Variants in SLC1A2 observed in about 807,000 individuals in gnomAD.
SLC1A2 encodes solute carrier family 1 member 2.
SLC1A2 carries 15 observed loss-of-function variants against 48.8 expected under a neutral mutation model. That is an observed-to-expected ratio of 0.31 (90% confidence interval 0.21 to 0.47). The LOEUF (loss-of-function observed/expected upper bound fraction) is 0.47, where lower values mean the gene tolerates loss of function less well. Ranked by LOEUF, SLC1A2 falls within the 20% of genes least tolerant of loss-of-function variation. The pLI is 0.99. For synonymous variants in SLC1A2, 279 were observed against 272.6 expected (o/e 1.02, Z -0.23); for missense variants, 502 against 730.5 (o/e 0.69, Z 3.61).
chr11:35,352,893 C>T (rs1853314767), intron 1 of SLC1A2, among the ~76,000 whole-genome samples: 2 of 152,178 alleles, frequency 1.3e-5, no homozygotes, highest in Admixed American at 1.3e-4. Context: ...GGTGGGGAAG[C>T]ATGTGCCTGG....
chr11:35,362,611 G>T lies in SLC1A2; in HGVS notation c.18-45095C>A, dbSNP rs375799415. Among the ~76,000 whole-genome samples, 43 of 152,306 alleles carry T rather than the reference G, an allele frequency of 2.8e-4. 1 individual carries two copies. The highest frequency in any genetic ancestry group is 7.2e-4 in the African/African-American group (30 of 41,574). ...CCATCAATACATGTGAAAGTGCCTG[G>T]AATGTGGCATGCAACATATGGTAAC... On this transcript the variant is annotated intron_variant, in intron 1 of 10. Transcript: ENST00000278379.
chr11:35,345,150 G>T (rs1852982502), intron 1 of SLC1A2, among the ~76,000 whole-genome samples: 1 of 152,218 alleles, frequency 6.6e-6, no homozygotes, highest in Non-Finnish European at 1.5e-5. Context: ...TGCTTGGCCT[G>T]TTTCATGCCA....
At position 35,255,523 on chromosome 11, in the gene SLC1A2, G is replaced by A. The variant is rs900356796; in HGVS notation, c.*5371C>T. 7 of 152,240 alleles carry A rather than the reference G, an allele frequency of 4.6e-5. No individual in the cohort carries two copies. Among genetic ancestry groups the A allele is most frequent in the East Asian group, 1.9e-4 (1 of 5,198 alleles). 9.4% of individuals were successfully genotyped at this position (152,240 alleles called of 1,614,324 possible). On this transcript the variant is annotated 3_prime_UTR_variant, in exon 11 of 11. Coordinates refer to ENST00000278379, the MANE Select transcript of SLC1A2 (RefSeq NM_004171.4). ...GAAAAGATATTTACAAACAGTTGCCGTGATTGTGCAAGTGTTGTACCAAAT... is the reference window on the plus strand; with the variant it reads ...GAAAAGATATTTACAAACAGTTGCCATGATTGTGCAAGTGTTGTACCAAAT...
chr11:35,321,696 A>G (rs534696210), intron 1 of SLC1A2, among the ~76,000 whole-genome samples: 1 of 152,284 alleles, frequency 6.6e-6, no homozygotes, highest in African/African-American at 2.4e-5. Flanking sequence ...ATACAGATGG[A>G]AAGCCTAAGG....
In SLC1A2 at chr11:35,419,161, G is replaced by C. The variant is rs1308849078; in HGVS notation, c.-195C>G. ...AGGAGGCTCCTGCGGGCGCTAATCC[G>C]CGTCCCGGCTCTCCACGGCGCGCGA... On this transcript the variant is annotated 5_prime_UTR_variant, in exon 1 of 11. Transcript: ENST00000278379. This position sits in a 1 kb window ranked among gnomAD's most constrained non-coding sequence, Gnocchi z 5.4. The C allele has an allele frequency of 1.3e-5, 6 of 477,760 alleles. No individual in the cohort carries two copies. Among genetic ancestry groups the C allele is most frequent in the Non-Finnish European group, 1.8e-5 (5 of 270,306 alleles). 29.6% of individuals were successfully genotyped at this position (477,760 alleles called of 1,614,324 possible).
chr11:35,394,746 C>G (rs994705345), intron 1 of SLC1A2, among the ~76,000 whole-genome samples: 1 of 152,184 alleles, frequency 6.6e-6, no homozygotes, highest in African/African-American at 2.4e-5. Context: ...TGGAGAGGCA[C>G]AGTACTGGGT....
At chr11:35,317,214 A>G (rs1851909271) in intron 2 of SLC1A2, 163 bp downstream of exon 2, 4 of 636,256 alleles carry the variant, frequency 6.3e-6, no homozygotes, top group African/African-American at 3.6e-5. Context: ...TAGAGGAGGT[A>G]AGGAGGAAAA....
chr11:35,286,902 T>G lies in SLC1A2; in HGVS notation c.1141A>C (p.Ile381Leu). 6.2e-7 allele frequency: 1 copy of G among 1,614,038 alleles called. No homozygotes were observed. The highest frequency in any genetic ancestry group is 8.5e-7 in the Non-Finnish European group (1 of 1,179,938). ...TFRCLEENLG[I>L]DKRVTRFVLP... is the part of the protein sequence containing the mutation. ...ACGAATCTAGTCACACGCTTATCAA[T>G]CCCCAGATTTTCTTCCAGGCAACGA... The change falls in exon 8 of 11, where the codon ATT becomes CTT. Residue 381 changes from isoleucine to leucine, a missense_variant. Transcript: ENST00000278379.
chr11:35,260,914 G>T lies in SLC1A2; in HGVS notation c.1705C>A (p.Pro569Thr). The T allele has an allele frequency of 6.2e-7, 1 of 1,613,382 alleles. No homozygotes were observed. The part of the protein sequence containing the change: ...KSADCSVEEE[P>T]WKREK ...TATCCTTATTTCTCACGTTTCCAAG[G>T]TTCTTCCTCAACACTGCAGTCGGCT... Residue 569 changes from proline to threonine, a missense_variant, in exon 11 of 11, where the codon CCT (proline) becomes ACT (threonine). Coordinates refer to ENST00000278379, the MANE Select transcript of SLC1A2 (RefSeq NM_004171.4).
intron 3 of SLC1A2, among the ~76,000 whole-genome samples, chr11:35,314,147 A>G (rs1851793230): frequency 1.3e-5 from 2 of 152,252 alleles, no homozygotes; most frequent in South Asian, 4.1e-4. Context: ...ATTTTAGTCA[A>G]AGATAATTGA....
chr11:35,384,109 T>C (rs1347349534), intron 1 of SLC1A2, among the ~76,000 whole-genome samples: 2 of 152,214 alleles, frequency 1.3e-5, no homozygotes, highest in Non-Finnish European at 2.9e-5. Context: ...ACGTTCACCC[T>C]AGTGCAAATA....
At chr11:35,310,739 T>C (rs1851661052) in intron 4 of SLC1A2, among the ~76,000 whole-genome samples, 1 of 152,208 alleles carries the variant, frequency 6.6e-6, no homozygotes, top group Non-Finnish European at 1.5e-5. Context: ...GGATGTGTTC[T>C]AGCCTATGCT....
intron 1 of SLC1A2, among the ~76,000 whole-genome samples, chr11:35,333,901 A>G (rs1425321713): frequency 6.9e-6 from 1 of 145,940 alleles, no homozygotes; most frequent in Non-Finnish European, 1.5e-5. Flanking sequence ...CTGATCTTGA[A>G]CTCCTGGCCT....
intron 5 of SLC1A2, among the ~76,000 whole-genome samples, chr11:35,301,985 A>G (rs1446676243): frequency 1.3e-5 from 2 of 152,236 alleles, no homozygotes; most frequent in Non-Finnish European, 2.9e-5. Context: ...TATTACACAG[A>G]TTAACGAGGA....
chr11:35,336,677 C>A (rs958275449), intron 1 of SLC1A2, among the ~76,000 whole-genome samples: 19 of 152,188 alleles, frequency 1.2e-4, no homozygotes, highest in African/African-American at 4.6e-4. Context: ...CATAGCTAAA[C>A]CTACATTGGC....
intron 1 of SLC1A2, among the ~76,000 whole-genome samples, chr11:35,319,977 G>C (rs1250630701): frequency 2.0e-5 from 3 of 152,132 alleles, no homozygotes; most frequent in African/African-American, 7.2e-5. Context: ...TGGAAACACA[G>C]AGTCCCCCAA....
chr11:35,378,710 G>C (rs763227137), intron 1 of SLC1A2, among the ~76,000 whole-genome samples: 1 of 152,258 alleles, frequency 6.6e-6, no homozygotes, highest in Non-Finnish European at 1.5e-5. Flanking sequence ...AAAGCAACAA[G>C]AGTGTGACAG....
chr11:35,391,912 T>C (rs1854781543), intron 1 of SLC1A2, among the ~76,000 whole-genome samples: 1 of 152,166 alleles, frequency 6.6e-6, no homozygotes, highest in Non-Finnish European at 1.5e-5. Context: ...GTAGGAAAGA[T>C]TGCAAATATT....
chr11:35,297,069 G>A (rs1039992066), intron 6 of SLC1A2, among the ~76,000 whole-genome samples: 2 of 151,952 alleles, frequency 1.3e-5, no homozygotes, highest in African/African-American at 4.8e-5. Context: ...AAGATTCTTT[G>A]TTTGACCAAA....
Sources: gnomAD v4.1 joint callset for allele counts (sites outside exome capture counted in the v4.1 genomes callset) on GRCh38, gnomAD v4.1.1 for gene constraint, Gnocchi (gnomAD v3.1) non-coding constraint, MANE v1.5 for transcripts, NCBI Gene and HGNC (gene_info 2026-07-23, HGNC 2026-07-21) for gene names.